The following RBFOX3 variants were observed in gnomAD, a reference collection of about 807,000 sequenced individuals.
RBFOX3 encodes the protein RNA binding protein fox-1 homolog 3.
In RBFOX3, 17 loss-of-function variants were observed where a neutral mutation model predicts 48.7. That is an observed-to-expected ratio of 0.35 (90% CI 0.24 to 0.52). The LOEUF (loss-of-function observed/expected upper bound fraction) is 0.52, where lower values mean the gene tolerates loss of function less well. Ranked by LOEUF, RBFOX3 falls within the 20% of genes least tolerant of loss-of-function variation. The probability of loss-of-function intolerance (pLI) is 0.94; values close to 1 mark genes in which losing one functional copy is unlikely to be tolerated. For synonymous variants in RBFOX3, 212 were observed against 209.5 expected (o/e 1.01, Z -0.10); for missense variants, 382 against 497.5 (o/e 0.77, Z 2.21).
rs1000410126 is a variant in RBFOX3 at position 79,363,754 on chromosome 17, A to T, written c.-174-55930T>A. The stretch of plus-strand genomic sequence containing the variant: ...CCAGAGCCCTCCAGCCTCCATGCTC[A>T]GCCCGTCCGCCCCCCAGCAGCCTGG... On this transcript the variant is annotated intron_variant, in intron 2 of 14. Coordinates refer to ENST00000693108, the MANE Select transcript of RBFOX3 (RefSeq NM_001350451.2). This position sits in a 1 kb window ranked among gnomAD's most constrained non-coding sequence, Gnocchi z 4.7. 6.6e-6 allele frequency among the ~76,000 whole-genome samples: 1 copy of T among 151,926 alleles called. No individual in the cohort carries two copies. The highest frequency in any genetic ancestry group is 1.5e-5 in the Non-Finnish European group (1 of 67,970).
chr17:79,542,872 T>A (rs2089910505), intron 1 of RBFOX3, among the ~76,000 whole-genome samples: 3 of 152,216 alleles, frequency 2.0e-5, no homozygotes. Flanking sequence ...TATTTTTGGG[T>A]CAATATGTAA....
At chr17:79,201,432 C>T (rs940062272) in intron 4 of RBFOX3, among the ~76,000 whole-genome samples, 2 of 150,828 alleles carry the variant, frequency 1.3e-5, no homozygotes, top group Admixed American at 6.6e-5. Context: ...AGGTGGCCTG[C>T]TGTGAGCTCA....
At chr17:79,495,010 A>G (rs1370745925) in intron 1 of RBFOX3, among the ~76,000 whole-genome samples, 1 of 152,102 alleles carries the variant, frequency 6.6e-6, no homozygotes, top group Non-Finnish European at 1.5e-5. Flanking sequence ...CTGTCCACGC[A>G]GTGGCCATCT....
intron 1 of RBFOX3, among the ~76,000 whole-genome samples, chr17:79,570,721 T>C (rs1162198378): frequency 6.6e-6 from 1 of 151,924 alleles, no homozygotes; most frequent in Non-Finnish European, 1.5e-5. Context: ...GACTCCACAC[T>C]CTAGGGTGGA....
the RBFOX3 span, among the ~76,000 whole-genome samples, chr17:79,643,909 A>G: frequency 1.3e-5 from 2 of 151,984 alleles, no homozygotes; most frequent in African/African-American, 4.8e-5. Context: ...AAAGGAAATA[A>G]TACAAATAAT....
At chr17:79,511,790 G>A (rs969886056) in intron 1 of RBFOX3, among the ~76,000 whole-genome samples, 28 of 147,492 alleles carry the variant, frequency 1.9e-4, no homozygotes, top group Middle Eastern at 3.8e-3. Flanking sequence ...TGTTACCATC[G>A]GGTACAGCCC....
At chr17:79,171,240 G>A (rs964574286) in intron 4 of RBFOX3, among the ~76,000 whole-genome samples, 1 of 152,240 alleles carries the variant, frequency 6.6e-6, no homozygotes, top group African/African-American at 2.4e-5. Flanking sequence ...ACACAAACAC[G>A]TCATTAGCAC....
intron 2 of RBFOX3, among the ~76,000 whole-genome samples, chr17:79,447,188 G>A (rs1461525352): frequency 2.0e-5 from 3 of 152,202 alleles, no homozygotes; most frequent in African/African-American, 2.4e-5. Flanking sequence ...TCTGTAACCC[G>A]CTTTCGGCAT....
chr17:79,153,788 C>G (rs958731264), intron 4 of RBFOX3, among the ~76,000 whole-genome samples: 1 of 152,164 alleles, frequency 6.6e-6, no homozygotes, highest in Non-Finnish European at 1.5e-5. Context: ...GCTTTCTACC[C>G]GGCTGGGACC....
intron 4 of RBFOX3, among the ~76,000 whole-genome samples, chr17:79,124,217 A>G (rs2036550900): frequency 6.6e-6 from 1 of 152,236 alleles, no homozygotes; most frequent in Non-Finnish European, 1.5e-5. Flanking sequence ...CACATCACAC[A>G]TAAGGGCTGG....
chr17:79,550,479 C>T (rs930422093), intron 1 of RBFOX3, among the ~76,000 whole-genome samples: 19 of 151,932 alleles, frequency 1.3e-4, no homozygotes, highest in African/African-American at 4.1e-4. Context: ...AGTACCCAAG[C>T]CTGGGATGGA....
chr17:79,101,782 C>T, intron 8 of RBFOX3, 138 bp from the exon 9 acceptor site: 1 of 793,806 alleles, frequency 1.3e-6, no homozygotes, highest in Non-Finnish European at 2.1e-6. Flanking sequence ...TGCTGCCTGC[C>T]CTCCGGGAGC....
intron 1 of RBFOX3, among the ~76,000 whole-genome samples, chr17:79,553,134 A>C (rs1233505758): frequency 6.6e-6 from 1 of 152,210 alleles, no homozygotes; most frequent in African/African-American, 2.4e-5. Flanking sequence ...ATATGATTAC[A>C]GTCACGTTAA....
intron 2 of RBFOX3, among the ~76,000 whole-genome samples, chr17:79,425,803 G>A (rs1348564942): frequency 6.6e-6 from 1 of 152,178 alleles, no homozygotes; most frequent in Non-Finnish European, 1.5e-5. Flanking sequence ...GACAGTTGCA[G>A]TGGAGATGGG....
In RBFOX3 at chr17:79,230,836, G is replaced by A. The variant is rs2060951520; in HGVS notation, c.-34+4930C>T. 2.6e-5 allele frequency among the ~76,000 whole-genome samples: 4 copies of A among 152,304 alleles called. No individual in the cohort carries two copies. The South Asian group carries it at 8.3e-4, about 32-fold the overall frequency. ...CCAGCCTGTGTATGTGCCTGGGTTT[G>A]TTCCAGCAGCCGGGCAGTTACTGCA... On this transcript the variant is annotated intron_variant, in intron 4 of 14. Coordinates refer to ENST00000693108, the MANE Select transcript of RBFOX3 (RefSeq NM_001350451.2).
rs752390460 is a variant in RBFOX3 at position 79,311,882 on chromosome 17, C to T, written c.-174-4058G>A. ...AGCATTCTCACGAACCTGGAACAAA[C>T]CGGCCCTCCTGAATGTAAGGTCAGG... On this transcript the variant is annotated intron_variant, in intron 2 of 14. Coordinates refer to ENST00000693108, the MANE Select transcript of RBFOX3 (RefSeq NM_001350451.2). This position sits in a 1 kb window ranked among gnomAD's most constrained non-coding sequence, Gnocchi z 4.2. Among the ~76,000 whole-genome samples the T allele has an allele frequency of 6.6e-6, 1 of 152,126 alleles. No homozygotes were observed. Among genetic ancestry groups the T allele is most frequent in the Non-Finnish European group, 1.5e-5 (1 of 68,010 alleles).
At position 79,115,771 on chromosome 17, in the gene RBFOX3, G is replaced by A. The variant is rs546411716; in HGVS notation, c.-33-23C>T. 4.1e-5 allele frequency: 27 copies of A among 663,226 alleles called. 1 individual carries two copies. The highest frequency in any genetic ancestry group is 3.8e-4 in the South Asian group (23 of 60,624). 41.1% of individuals were successfully genotyped at this position (663,226 alleles called of 1,614,324 possible). On this transcript the variant is annotated intron_variant, in intron 4 of 14. Coordinates refer to ENST00000693108, the MANE Select transcript of RBFOX3 (RefSeq NM_001350451.2). ...GCTCTGTGGAAGGAGAGAGAGCAAG[G>A]CCTGGTTAGAATCTTGTCCCCTTCC...
chr17:79,166,447 G>A (rs1481687611), intron 4 of RBFOX3, among the ~76,000 whole-genome samples: 1 of 149,608 alleles, frequency 6.7e-6, no homozygotes, highest in Non-Finnish European at 1.5e-5. Flanking sequence ...AAAGACTTAA[G>A]TAGGCTCAGC....
At chr17:79,637,511 T>A in the RBFOX3 span, among the ~76,000 whole-genome samples, 1 of 151,748 alleles carries the variant, frequency 6.6e-6, no homozygotes, top group Admixed American at 6.6e-5. Flanking sequence ...CTGGCTAACA[T>A]GGTGAAACCC....
Sources: allele counts gnomAD v4.1 joint callset (sites outside exome capture counted in the v4.1 genomes callset), GRCh38; gene constraint gnomAD v4.1.1; non-coding constraint Gnocchi (gnomAD v3.1); transcripts MANE v1.5; gene names NCBI Gene and HGNC (gene_info 2026-07-23, HGNC 2026-07-21).